Variants in HIPK3 observed in about 807,000 individuals in gnomAD.
HIPK3 encodes homeodomain-interacting protein kinase 3.
In HIPK3, 47 loss-of-function variants were observed where a neutral mutation model predicts 124.2. That is an observed-to-expected ratio of 0.38 (90% CI 0.30 to 0.48). The LOEUF is 0.48. Among genes scored for constraint, HIPK3 ranks in the 20% least tolerant of loss-of-function variants. The probability of loss-of-function intolerance (pLI) is 0.98; values close to 1 mark genes in which losing one functional copy is unlikely to be tolerated. For synonymous variants in HIPK3, 482 were observed against 515.2 expected, an observed-to-expected ratio of 0.94 and a Z score of 0.87; for missense variants, 1,286 against 1,454.3, an observed-to-expected ratio of 0.88 and a Z score of 1.88.
At chr11:33,298,194 ATCGACTCTGCC>A (rs942136929) in intron 2 of HIPK3, among the ~76,000 whole-genome samples, 1 of 152,166 alleles carries the variant, frequency 6.6e-6, no homozygotes, top group African/African-American at 2.4e-5. Context: ...ATTACGCCAA[ATCGACTCTGCC>A]TCGACTCTGC....
intron 1 of HIPK3, among the ~76,000 whole-genome samples, chr11:33,277,788 C>T (rs1430744271): frequency 1.3e-5 from 2 of 152,208 alleles, no homozygotes; most frequent in Non-Finnish European, 2.9e-5. Flanking sequence ...ATAACAGTTC[C>T]TGTTGCCCTA....
At chr11:33,319,836 C>T (rs1022780501) in intron 2 of HIPK3, among the ~76,000 whole-genome samples, 2 of 152,086 alleles carry the variant, frequency 1.3e-5, no homozygotes, top group Non-Finnish European at 1.5e-5. Flanking sequence ...AGATAATAAG[C>T]CAACATATTT....
chr11:33,317,294 T>TTTTG, intron 2 of HIPK3, among the ~76,000 whole-genome samples: 1 of 144,770 alleles, frequency 6.9e-6, no homozygotes, highest in African/African-American at 2.6e-5. Context: ...TTTTTTTTTT[T>TTTTG]GAGTCTTGCT....
intron 2 of HIPK3, among the ~76,000 whole-genome samples, chr11:33,310,607 C>G (rs183931001): frequency 1.3e-5 from 2 of 152,200 alleles, no homozygotes; most frequent in Admixed American, 1.3e-4. Context: ...CCGTGCCCAG[C>G]CTATTTAAGT....
chr11:33,280,874 T>G (rs1851394127), intron 1 of HIPK3, among the ~76,000 whole-genome samples: 1 of 152,134 alleles, frequency 6.6e-6, no homozygotes, highest in Admixed American at 6.5e-5. Context: ...TTGGGGGCCC[T>G]GATTTGGTAG....
intron 1 of HIPK3, among the ~76,000 whole-genome samples, chr11:33,279,175 A>C (rs534464145): frequency 6.6e-6 from 1 of 152,056 alleles, no homozygotes; most frequent in Non-Finnish European, 1.5e-5. Context: ...TTAGCCAGAC[A>C]TGGTGGTGTA....
chr11:33,337,521 A>G (rs1159899230), intron 4 of HIPK3, among the ~76,000 whole-genome samples: 2 of 151,094 alleles, frequency 1.3e-5, no homozygotes, highest in Non-Finnish European at 1.5e-5. Context: ...ATGCCCGGCT[A>G]ATTTTTATAT....
chr11:33,277,289 A>G (rs1851297948), intron 1 of HIPK3, among the ~76,000 whole-genome samples: 1 of 152,196 alleles, frequency 6.6e-6, no homozygotes, highest in Non-Finnish European at 1.5e-5. Flanking sequence ...ACTTTATAAT[A>G]AATGATACAT....
At position 33,287,198 on chromosome 11, in the gene HIPK3, T is replaced by C. The variant is rs928188226; in HGVS notation, c.784T>C (p.Tyr262His). ...TGATGAATATAACTTTGTACGAGCT[T>C]ATGAATGCTTTCAGCACCGTAACCA... Reference protein sequence around the residue: ...NADEYNFVRAYECFQHRNHTC... With the variant: ...NADEYNFVRAHECFQHRNHTC... The change falls in exon 2 of 17, where the codon TAT becomes CAT. Residue 262 changes from tyrosine to histidine, a missense_variant. By Grantham distance (83) the Tyr-to-His change is moderately conservative. Transcript: ENST00000303296. 1 of 1,614,176 alleles carries C rather than the reference T, an allele frequency of 6.2e-7. No individual in the cohort carries two copies. Among genetic ancestry groups the C allele is most frequent in the Non-Finnish European group, 8.5e-7 (1 of 1,180,020 alleles).
chr11:33,310,048 A>G (rs1313259761), intron 2 of HIPK3, among the ~76,000 whole-genome samples: 3 of 152,132 alleles, frequency 2.0e-5, no homozygotes, highest in Non-Finnish European at 4.4e-5. Context: ...CAATAGCTGG[A>G]TAACTGTGGT....
intron 1 of HIPK3, 146 bp downstream of exon 1, chr11:33,258,035 C>A: frequency 5.1e-6 from 3 of 589,606 alleles, no homozygotes; most frequent in Non-Finnish European, 4.1e-6. Context: ...CGTCCCGTGC[C>A]CCATCCGCAT....
At chr11:33,327,347 C>T (rs747125503) in intron 2 of HIPK3, among the ~76,000 whole-genome samples, 7 of 152,082 alleles carry the variant, frequency 4.6e-5, no homozygotes, top group Non-Finnish European at 1.0e-4. Context: ...CACTGAGGGA[C>T]GTTTCTTCAA....
intron 2 of HIPK3, among the ~76,000 whole-genome samples, chr11:33,292,837 G>A (rs1432993343): frequency 2.6e-5 from 4 of 152,122 alleles, no homozygotes; most frequent in African/African-American, 4.8e-5. Flanking sequence ...CCGGGTTCAC[G>A]CCATTCTCCT....
At chr11:33,266,853 T>C (rs1051899010) in intron 1 of HIPK3, among the ~76,000 whole-genome samples, 2 of 152,220 alleles carry the variant, frequency 1.3e-5, no homozygotes, top group South Asian at 2.1e-4. Flanking sequence ...ATCAGTTTTA[T>C]AGTTGAAGTA....
chr11:33,299,166 G>C (rs1199106655), intron 2 of HIPK3, among the ~76,000 whole-genome samples: 3 of 150,398 alleles, frequency 2.0e-5, no homozygotes, highest in African/African-American at 7.3e-5. Flanking sequence ...TGCTTCTTTT[G>C]GATGAGCAAA....
chr11:33,343,473 T>C (rs1590189673), intron 8 of HIPK3, among the ~76,000 whole-genome samples: 1 of 151,958 alleles, frequency 6.6e-6, no homozygotes, highest in Non-Finnish European at 1.5e-5. Flanking sequence ...ATGTACAGGG[T>C]TTCACCATGT....
chr11:33,325,217 C>G (rs1429154566), intron 2 of HIPK3, among the ~76,000 whole-genome samples: 1 of 152,172 alleles, frequency 6.6e-6, no homozygotes, highest in Non-Finnish European at 1.5e-5. Context: ...GACAGAAACT[C>G]TTTTCTTACT....
At chr11:33,344,253 A>G (rs1853429876) in intron 8 of HIPK3, among the ~76,000 whole-genome samples, 1 of 152,220 alleles carries the variant, frequency 6.6e-6, no homozygotes. Context: ...ATCAGTTATT[A>G]CTTGTGTTAT....
Position 33,347,349 on chromosome 11 carries a change from G to T in HIPK3, c.1954G>T (p.Val652Phe). Reference sequence around the variant, plus strand: ...TTATTCAATAAGGGTAGATAATACAGTTCCACTTGTAACTCAGGCCCCAGC... The same window carrying T: ...TTATTCAATAAGGGTAGATAATACATTTCCACTTGTAACTCAGGCCCCAGC... ...TSYSIRVDNT[V>F]PLVTQAPAVQ... The change falls in exon 9 of 17, where the codon GTT becomes TTT. Residue 652 changes from valine to phenylalanine, a missense_variant. Transcript: ENST00000303296. 6.2e-7 allele frequency: 1 copy of T among 1,613,660 alleles called. No individual in the cohort carries two copies. The highest frequency in any genetic ancestry group is 8.5e-7 in the Non-Finnish European group (1 of 1,179,604).
Sources: gnomAD v4.1 joint callset for allele counts (sites outside exome capture counted in the v4.1 genomes callset) on GRCh38, gnomAD v4.1.1 for gene constraint, MANE v1.5 for transcripts, NCBI Gene and HGNC (gene_info 2026-07-23, HGNC 2026-07-21) for gene names.